The following AKAP10 variants were observed in gnomAD, a reference collection of about 807,000 sequenced individuals.
AKAP10 encodes the protein A-kinase anchoring protein 10, also known as A-kinase anchor protein 10, mitochondrial.
Under a neutral mutation model 80.8 loss-of-function variants are expected in AKAP10, and 24 were observed. The ratio of observed to expected loss-of-function variants is 0.30; its 90% CI spans 0.22 to 0.42. The LOEUF (loss-of-function observed/expected upper bound fraction) is 0.42. Ranked by LOEUF, AKAP10 falls within the 10% of genes least tolerant of loss-of-function variation. AKAP10 has a pLI of 1.00. For synonymous variants in AKAP10, 291 were observed against 277.7 expected (o/e 1.05, Z -0.48); for missense variants, 661 against 794.9 (o/e 0.83, Z 2.03).
intron 14 of AKAP10, among the ~76,000 whole-genome samples, chr17:19,908,733 T>G (rs1477741407): frequency 6.6e-6 from 1 of 151,150 alleles, no homozygotes; most frequent in Non-Finnish European, 1.5e-5. Flanking sequence ...TCCGCCTCCC[T>G]GGTTCAAGCG....
chr17:19,931,741 C>T, intron 10 of AKAP10, 64 bp downstream of exon 10: 1 of 1,501,360 alleles, frequency 6.7e-7, no homozygotes, highest in Non-Finnish European at 9.0e-7. Flanking sequence ...GGATCTGTTA[C>T]TGGGATGTGA....
At chr17:19,929,999 CAAAAA>C (rs11365343) in intron 10 of AKAP10, among the ~76,000 whole-genome samples, 1 of 81,846 alleles carries the variant, frequency 1.2e-5, no homozygotes, top group African/African-American at 4.1e-5. Flanking sequence ...CAACAAAAAC[CAAAAA>C]AAAAAAAAAA....
chr17:19,914,550 G>C (rs936729301), intron 12 of AKAP10, among the ~76,000 whole-genome samples: 1 of 146,718 alleles, frequency 6.8e-6, no homozygotes, highest in Non-Finnish European at 1.5e-5. Context: ...GCTGAGGTGA[G>C]AGGATCATTT....
chr17:19,924,060 T>C (rs1314189400), intron 11 of AKAP10, among the ~76,000 whole-genome samples: 1 of 152,222 alleles, frequency 6.6e-6, no homozygotes, highest in Non-Finnish European at 1.5e-5. Context: ...CTAAAATGAA[T>C]AACCAACTTA....
intron 10 of AKAP10, among the ~76,000 whole-genome samples, chr17:19,931,494 G>A (rs766854716): frequency 9.3e-5 from 14 of 150,972 alleles, no homozygotes; most frequent in Admixed American, 3.3e-4. Flanking sequence ...GGGTTCAAGC[G>A]ATTCTCCTGC....
chr17:19,934,298 A>G (rs1233768825), intron 9 of AKAP10, among the ~76,000 whole-genome samples: 1 of 152,160 alleles, frequency 6.6e-6, no homozygotes, highest in Non-Finnish European at 1.5e-5. Context: ...TCCTGTTGAC[A>G]GTTACTGGTG....
At position 19,906,099 on chromosome 17, in the gene AKAP10, C is replaced by G; in HGVS notation, c.*128G>C. 9.6e-7 allele frequency: 1 copy of G among 1,042,116 alleles called. No homozygotes were observed. 64.6% of individuals were successfully genotyped at this position (1,042,116 alleles called of 1,614,324 possible). A position where few individuals can be genotyped will look rare whatever the true frequency, so the allele number is the denominator to read the frequency against. Reference sequence around the variant, plus strand: ...GAAGTCTAGGATTGTCTCCCATTCTCTCCTGGAAACAACAGTGACAGATCA... The same window carrying G: ...GAAGTCTAGGATTGTCTCCCATTCTGTCCTGGAAACAACAGTGACAGATCA... On this transcript the variant is annotated 3_prime_UTR_variant, in exon 15 of 15. Coordinates refer to ENST00000225737, the MANE Select transcript of AKAP10 (RefSeq NM_007202.4).
chr17:19,957,466 CG>C lies in AKAP10; in HGVS notation c.877+547del, dbSNP rs57314474. Among the ~76,000 whole-genome samples the C allele has an allele frequency of 6.8e-3, 1,028 of 151,800 alleles. 12 individuals are homozygous for C. Among genetic ancestry groups the C allele is most frequent in the African/African-American group, 0.024 (978 of 41,406 alleles). Reference sequence around the variant, plus strand: ...CTGAGGCAGGAGAATGGCATGAACCCGGAGGTTGCAGTGAGCCGAGACCGCG... The same window carrying C: ...CTGAGGCAGGAGAATGGCATGAACCCGAGGTTGCAGTGAGCCGAGACCGCG... On this transcript the variant is annotated intron_variant, in intron 4 of 14. Transcript: ENST00000225737.
At chr17:19,945,584 T>G (rs116327512) in intron 5 of AKAP10, among the ~76,000 whole-genome samples, 1 of 152,256 alleles carries the variant, frequency 6.6e-6, no homozygotes, top group South Asian at 2.1e-4. Flanking sequence ...GCCTATGTTA[T>G]AGCCGTTATA....
At chr17:19,910,658 G>C (rs2042680846) in intron 12 of AKAP10, among the ~76,000 whole-genome samples, 1 of 151,928 alleles carries the variant, frequency 6.6e-6, no homozygotes, top group Non-Finnish European at 1.5e-5. Context: ...AATGCTCTTG[G>C]GTAAGAATCT....
At position 19,939,811 on chromosome 17, in the gene AKAP10, G is replaced by A; in HGVS notation, c.1224C>T (p.Phe408=). Residue 408 remains phenylalanine (F), a synonymous_variant, in exon 8 of 15, where the codon TTC becomes TTT. Transcript: ENST00000225737. ...ACTGGAAGTTATCTGCTGCCAACCA[G>A]AATTGTAAGATATTCACTGCATCCT... is the stretch of plus-strand genomic sequence containing the variant. ...EKEDAVNILQ[F]WLAADNFQSQ... is the part of the protein sequence containing the mutation. 1 of 1,613,814 alleles carries A rather than the reference G, an allele frequency of 6.2e-7. No individual in the cohort carries two copies. Among genetic ancestry groups the A allele is most frequent in the Non-Finnish European group, 8.5e-7 (1 of 1,179,944 alleles).
intron 10 of AKAP10, among the ~76,000 whole-genome samples, chr17:19,925,610 T>G (rs1470187706): frequency 1.3e-5 from 2 of 152,154 alleles, no homozygotes; most frequent in African/African-American, 4.8e-5. Context: ...TGCAGCATTG[T>G]TTAAAATAAA....
At chr17:19,966,824 TCTA>T (rs1344326306) in intron 2 of AKAP10, among the ~76,000 whole-genome samples, 1 of 141,914 alleles carries the variant, frequency 7.0e-6, no homozygotes, top group Non-Finnish European at 1.6e-5. Context: ...GTTCCTTCCT[TCTA>T]CTACAGTCAG....
At chr17:19,913,281 T>C (rs2042711023) in intron 12 of AKAP10, among the ~76,000 whole-genome samples, 1 of 151,426 alleles carries the variant, frequency 6.6e-6, no homozygotes. Context: ...AGCCTCCCGA[T>C]AGCTGGGACT....
chr17:19,977,132 C>A (rs1254762649), intron 1 of AKAP10, among the ~76,000 whole-genome samples: 1 of 151,956 alleles, frequency 6.6e-6, no homozygotes, highest in South Asian at 2.1e-4. Flanking sequence ...AACTACCCCT[C>A]CCCCCAAAGA....
At chr17:19,932,534 T>C (rs2042947624) in intron 9 of AKAP10, among the ~76,000 whole-genome samples, 2 of 151,868 alleles carry the variant, frequency 1.3e-5, no homozygotes, top group South Asian at 4.2e-4. Context: ...AAGTATTACA[T>C]AAAGTTGATA....
chr17:19,932,471 A>C (rs1435437109), intron 9 of AKAP10, among the ~76,000 whole-genome samples: 1 of 151,046 alleles, frequency 6.6e-6, no homozygotes, highest in Non-Finnish European at 1.5e-5. Context: ...AAAAAAAAAA[A>C]TTACAATGCA....
chr17:19,937,941 G>C (rs1020468745), intron 8 of AKAP10, among the ~76,000 whole-genome samples: 1 of 148,168 alleles, frequency 6.7e-6, no homozygotes, highest in African/African-American at 2.5e-5. Context: ...CAAACCTGCA[G>C]AATCAGAATT....
rs182900330 is a variant in AKAP10 at position 19,917,486 on chromosome 17, T to C, written c.1834+2550A>G. ...CTTAAAAAAATTGTGTTTTGTTTTT[T>C]AGAGACATGGTCTTGCTCCATTACC... On this transcript the variant is annotated intron_variant, in intron 12 of 14. Transcript: ENST00000225737. Among the ~76,000 whole-genome samples, 4 of 152,302 alleles carry C rather than the reference T, an allele frequency of 2.6e-5. No individual in the cohort carries two copies. In the East Asian group the frequency reaches 7.7e-4, roughly 29 times the overall value.
Sources: gnomAD v4.1 joint callset for allele counts (sites outside exome capture counted in the v4.1 genomes callset) on GRCh38, gnomAD v4.1.1 for gene constraint, MANE v1.5 for transcripts, NCBI Gene and HGNC (gene_info 2026-07-23, HGNC 2026-07-21) for gene names.